Variants in SCAI observed in about 807,000 individuals in gnomAD.
SCAI encodes the protein protein SCAI.
Under a neutral mutation model 92.2 loss-of-function variants are expected in SCAI, and 24 were observed. The ratio of observed to expected loss-of-function variants is 0.26; its 90% confidence interval spans 0.19 to 0.37. The LOEUF is 0.37. Ranked by LOEUF, SCAI falls within the 10% of genes least tolerant of loss-of-function variation. SCAI has a pLI of 1.00. For missense variants in SCAI, 450 were observed against 736.2 expected (o/e 0.61, Z 4.50); for synonymous variants, 261 against 258.6 (o/e 1.01, Z -0.09).
Position 124,947,966 on chromosome 9 carries a change from C to A in SCAI, c.*4841G>T, listed in dbSNP as rs1588109605. On this transcript the variant is annotated 3_prime_UTR_variant, in exon 18 of 18. Transcript: ENST00000336505. ...TGTTCTCTGTATATCAGGCTGATTA[C>A]AAGTCTCCATAAATAAAATTTTTCA... 1 of 152,262 alleles carries A rather than the reference C, an allele frequency of 6.6e-6. No homozygotes were observed. Among genetic ancestry groups the A allele is most frequent in the South Asian group, 2.1e-4 (1 of 4,826 alleles). 9.4% of individuals were successfully genotyped at this position (152,262 alleles called of 1,614,324 possible). A position where few individuals can be genotyped will look rare whatever the true frequency, so the allele number is the denominator to read the frequency against.
At chr9:125,065,964 T>C (rs779546425) in intron 2 of SCAI, 3 of 759,002 alleles carry the variant, frequency 4.0e-6, no homozygotes, top group Non-Finnish European at 4.8e-6. Flanking sequence ...AGGATATGTA[T>C]TTTAAAACTA....
At chr9:124,968,788 C>T (rs999583360) in intron 17 of SCAI, 101 of 815,236 alleles carry the variant, frequency 1.2e-4, no homozygotes, top group Middle Eastern at 3.1e-4. Context: ...CAGGCCACGG[C>T]GATTCCAGTG....
intron 2 of SCAI, chr9:125,066,172 A>AC: frequency 1.8e-6 from 1 of 544,750 alleles, no homozygotes; most frequent in African/African-American, 2.0e-5. Flanking sequence ...ATCAGAATTA[A>AC]CCAGTGGGTT....
Position 124,952,725 on chromosome 9 carries a change from T to C in SCAI, c.*82A>G. The C allele has an allele frequency of 1.8e-6, 2 of 1,132,586 alleles. No homozygotes were observed. Among genetic ancestry groups the C allele is most frequent in the South Asian group, 1.5e-5 (1 of 67,476 alleles). 70.2% of individuals were successfully genotyped at this position (1,132,586 alleles called of 1,614,324 possible). A position where few individuals can be genotyped will look rare whatever the true frequency, so the allele number is the denominator to read the frequency against. ...AAAAATAAAAACTAAGTAACACCAC[T>C]ATGTGTCTTATCACGTTAGAAAACT... On this transcript the variant is annotated 3_prime_UTR_variant, in exon 18 of 18. Transcript: ENST00000336505.
rs1831190339 is a variant in SCAI at position 124,948,690 on chromosome 9, C to T, written c.*4117G>A. 1 of 152,110 alleles carries T rather than the reference C, an allele frequency of 6.6e-6. No individual in the cohort carries two copies. Among genetic ancestry groups the T allele is most frequent in the Non-Finnish European group, 1.5e-5 (1 of 68,030 alleles). 9.4% of individuals were successfully genotyped at this position (152,110 alleles called of 1,614,324 possible). ...TAAAGAAAGAGAAAATTCCACTGTG[C>T]TTCATTTTGTTTTGTGTATAACTGA... On this transcript the variant is annotated 3_prime_UTR_variant, in exon 18 of 18. Transcript: ENST00000336505.
chr9:125,142,015 T>G (rs1011774114), intron 2 of SCAI, among the ~76,000 whole-genome samples: 14 of 152,158 alleles, frequency 9.2e-5, no homozygotes, highest in African/African-American at 3.4e-4. Flanking sequence ...ACTGCAGCCT[T>G]GACTTCCTGG....
At chr9:125,125,797 C>T (rs145211093) in intron 2 of SCAI, among the ~76,000 whole-genome samples, 2,934 of 147,684 alleles carry the variant, frequency 0.02, 45 homozygotes, top group Non-Finnish European at 0.031. Context: ...CGCCACTACA[C>T]TCCAGCCTGG....
chr9:125,098,345 T>C (rs1038959229), intron 2 of SCAI, among the ~76,000 whole-genome samples: 3 of 152,068 alleles, frequency 2.0e-5, no homozygotes, highest in Non-Finnish European at 2.9e-5. Context: ...GTGTGAGCCA[T>C]CATGCCCAGC....
chr9:125,018,839 G>A lies in SCAI; in HGVS notation c.821C>T (p.Ser274Phe). The change falls in exon 9 of 18, where the codon TCT (serine) becomes TTT (phenylalanine). Residue 274 changes from serine (S) to phenylalanine (F), a missense_variant. Ser to Phe is a radical substitution (Grantham distance 155). This residue lies in a region of SCAI where 360 missense variants were observed against 601.8 expected (regional missense o/e 0.60). Transcript: ENST00000336505. ...LEQGMIVGQL[S>F]LADALIIGNC... The stretch of plus-strand genomic sequence containing the variant: ...ACCAATAATGAGTGCGTCAGCCAGA[G>A]ACAACTGTCCCACAATCATGCCCTG... The A allele has an allele frequency of 1.2e-6, 2 of 1,613,298 alleles. No individual in the cohort carries two copies. Among genetic ancestry groups the A allele is most frequent in the East Asian group, 2.2e-5 (1 of 44,848 alleles).
At chr9:125,039,062 T>C (rs1833260021) in intron 3 of SCAI, among the ~76,000 whole-genome samples, 1 of 152,082 alleles carries the variant, frequency 6.6e-6, no homozygotes, top group African/African-American at 2.4e-5. Flanking sequence ...CAATATTTCT[T>C]CCCCCTCTTA....
At chr9:125,106,504 A>T (rs1474014586) in intron 2 of SCAI, among the ~76,000 whole-genome samples, 2 of 152,020 alleles carry the variant, frequency 1.3e-5, no homozygotes, top group African/African-American at 4.8e-5. Flanking sequence ...AGAGACCTTC[A>T]ACTGAACCCT....
At chr9:124,989,338 T>C (rs757756987) in intron 14 of SCAI, among the ~76,000 whole-genome samples, 11 of 152,000 alleles carry the variant, frequency 7.2e-5, no homozygotes, top group Admixed American at 3.3e-4. Context: ...GTGGCTCACG[T>C]CTGTAACCCT....
At chr9:125,072,179 A>G (rs1833991441) in intron 2 of SCAI, among the ~76,000 whole-genome samples, 1 of 152,002 alleles carries the variant, frequency 6.6e-6, no homozygotes, top group East Asian at 1.9e-4. Context: ...GGGCACCACC[A>G]CGCCCAGCTA....
intron 2 of SCAI, among the ~76,000 whole-genome samples, chr9:125,100,710 A>C (rs1564413220): frequency 6.6e-6 from 1 of 152,182 alleles, no homozygotes; most frequent in Non-Finnish European, 1.5e-5. Context: ...CTGGAGAAAA[A>C]GCAAGCAGAC....
At chr9:124,971,038 C>A (rs1588124070) in intron 17 of SCAI, among the ~76,000 whole-genome samples, 4 of 152,152 alleles carry the variant, frequency 2.6e-5, no homozygotes, top group Admixed American at 2.6e-4. Flanking sequence ...TGGTCTCCAA[C>A]TCATGACCTC....
chr9:125,127,011 C>T lies in SCAI; in HGVS notation c.98+15622G>A, dbSNP rs1172344549. Among the ~76,000 whole-genome samples, 6 of 152,004 alleles carry T rather than the reference C, an allele frequency of 3.9e-5. No individual in the cohort carries two copies. In the East Asian group the frequency reaches 9.6e-4, roughly 24 times the overall value. ...AGGGTAGAACAATGAGTGCCTTTGGCGGGAGCTGGGGGTTAGGTAGAAATA... is the reference window on the plus strand; with the variant it reads ...AGGGTAGAACAATGAGTGCCTTTGGTGGGAGCTGGGGGTTAGGTAGAAATA... On this transcript the variant is annotated intron_variant, in intron 2 of 17. Coordinates refer to ENST00000336505, the MANE Select transcript of SCAI (RefSeq NM_001144877.3).
chr9:124,979,861 A>G (rs1831844542), intron 14 of SCAI, among the ~76,000 whole-genome samples: 2 of 152,074 alleles, frequency 1.3e-5, no homozygotes, highest in Admixed American at 1.3e-4. Flanking sequence ...CATCCTGGCT[A>G]ACACGGTGAA....
intron 2 of SCAI, among the ~76,000 whole-genome samples, chr9:125,125,666 C>T (rs1028542489): frequency 6.6e-6 from 1 of 151,478 alleles, no homozygotes; most frequent in Non-Finnish European, 1.5e-5. Context: ...CCTGTGTCTA[C>T]AAAAAATACA....
At chr9:125,012,386 T>C (rs1832657748) in intron 9 of SCAI, among the ~76,000 whole-genome samples, 1 of 152,048 alleles carries the variant, frequency 6.6e-6, no homozygotes, top group Non-Finnish European at 1.5e-5. Context: ...GCAATCCTAG[T>C]CTCTGATAAA....
Sources: gnomAD v4.1 joint callset for allele counts (sites outside exome capture counted in the v4.1 genomes callset) on GRCh38, gnomAD v4.1.1 for gene constraint, gnomAD v4.1.1 regional missense constraint, MANE v1.5 for transcripts, NCBI Gene and HGNC (gene_info 2026-07-23, HGNC 2026-07-21) for gene names.